KLF8: variants seen among roughly 807,000 people sequenced by gnomAD.
KLF8 encodes KLF transcription factor 8, also known as Krueppel-like factor 8.
Under a neutral mutation model 18.2 loss-of-function variants are expected in KLF8, and 10 were observed. The observed-to-expected ratio is 0.55, with a 90% CI of 0.34 to 0.93. The LOEUF (loss-of-function observed/expected upper bound fraction) is 0.93. Among genes scored for constraint, KLF8 ranks in the 40% least tolerant of loss-of-function variants. The pLI, the probability that KLF8 is intolerant of heterozygous loss-of-function variation, is 0.02. For missense variants in KLF8, 264 were observed against 277.9 expected (o/e 0.95, Z 0.36); for synonymous variants, 109 against 97.3 (o/e 1.12, Z -0.71).
the KLF8 span, among the ~76,000 whole-genome samples, chrX:56,064,963 T>C: frequency 8.9e-6 from 1 of 111,944 alleles, no homozygotes; most frequent in Non-Finnish European, 1.9e-5. Flanking sequence ...ATTTTGCTGT[T>C]AGTCTCATGA....
the KLF8 span, among the ~76,000 whole-genome samples, chrX:56,100,467 T>A: frequency 0.53 from 58,538 of 110,645 alleles, 13,647 homozygotes; most frequent in Non-Finnish European, 0.73. Flanking sequence ...AAGAAATACA[T>A]TTTGTAAGAC....
At chrX:56,186,553 C>T in the KLF8 span, among the ~76,000 whole-genome samples, 329 of 111,529 alleles carry the variant, frequency 2.9e-3, 3 homozygotes, top group Non-Finnish European at 5.5e-3. Flanking sequence ...AACTCTCCAC[C>T]CCAAATCAGC....
At chrX:55,981,587 G>T in the KLF8 span, among the ~76,000 whole-genome samples, 1 of 112,134 alleles carries the variant, frequency 8.9e-6, no homozygotes, top group African/African-American at 3.2e-5. Context: ...CCAAAATTAT[G>T]ATTGGAATTC....
the KLF8 span, among the ~76,000 whole-genome samples, chrX:56,112,743 T>A: frequency 1.8e-5 from 2 of 112,392 alleles, no homozygotes; most frequent in Admixed American, 9.4e-5. Context: ...ATATGCTTTG[T>A]ATCCCCTCTA....
the KLF8 span, among the ~76,000 whole-genome samples, chrX:56,107,135 C>T: frequency 9.0e-6 from 1 of 111,719 alleles, no homozygotes; most frequent in Non-Finnish European, 1.9e-5. Flanking sequence ...TCTTTCGGCT[C>T]CTACTGGGAG....
the KLF8 span, among the ~76,000 whole-genome samples, chrX:56,097,474 T>TA: frequency 9.3e-6 from 1 of 108,021 alleles, no homozygotes; most frequent in African/African-American, 3.4e-5. Flanking sequence ...GGATTACATG[T>TA]GTGTGCACCA....
the KLF8 span, among the ~76,000 whole-genome samples, chrX:56,004,969 A>C: frequency 7.2e-5 from 8 of 111,020 alleles, no homozygotes; most frequent in Non-Finnish European, 1.3e-4. Flanking sequence ...GGGTTAAATT[A>C]ATGACTGCTA....
chrX:56,137,518 C>G, the KLF8 span, among the ~76,000 whole-genome samples: 2 of 103,905 alleles, frequency 1.9e-5, no homozygotes, highest in East Asian at 6.2e-4. Context: ...AAAAACCAAA[C>G]AATGCATATT....
the KLF8 span, among the ~76,000 whole-genome samples, chrX:56,053,250 G>C: frequency 1.7e-4 from 19 of 112,224 alleles, no homozygotes; most frequent in East Asian, 4.8e-3. Flanking sequence ...GCTGGGAGCT[G>C]TTCCTATTCT....
chrX:56,087,175 A>G, the KLF8 span, among the ~76,000 whole-genome samples: 8,964 of 110,985 alleles, frequency 0.081, 902 homozygotes, highest in African/African-American at 0.28. Context: ...TCTTTCATGA[A>G]TTCATTCAGT....
chrX:55,966,293 G>A, the KLF8 span, among the ~76,000 whole-genome samples: 516 of 112,281 alleles, frequency 4.6e-3, 4 homozygotes, highest in South Asian at 0.016. Flanking sequence ...AGTGGTTATG[G>A]AGGCCTTGGG....
the KLF8 span, among the ~76,000 whole-genome samples, chrX:55,993,475 T>A: frequency 8.9e-6 from 1 of 112,129 alleles, no homozygotes; most frequent in African/African-American, 3.2e-5. Context: ...GTGGATTAAC[T>A]TTTTGTTGTG....
At chrX:56,021,727 C>T in the KLF8 span, among the ~76,000 whole-genome samples, 2 of 110,508 alleles carry the variant, frequency 1.8e-5, no homozygotes, top group Non-Finnish European at 3.8e-5. Context: ...TTTTTAAGTA[C>T]TACTAGTAAG....
the KLF8 span, among the ~76,000 whole-genome samples, chrX:56,043,449 C>T: frequency 9.0e-6 from 1 of 111,221 alleles, no homozygotes; most frequent in Admixed American, 9.6e-5. Flanking sequence ...TTCAGGTACC[C>T]CAATCAGTGA....
the KLF8 span, among the ~76,000 whole-genome samples, chrX:55,958,243 T>C: frequency 8.9e-5 from 10 of 111,944 alleles, no homozygotes; most frequent in African/African-American, 3.2e-4. Flanking sequence ...GGAATAGGAC[T>C]ATTTAAAAGC....
chrX:55,978,277 T>G, the KLF8 span, among the ~76,000 whole-genome samples: 2 of 111,609 alleles, frequency 1.8e-5, no homozygotes, highest in Admixed American at 1.9e-4. Flanking sequence ...ATTTGGAAGA[T>G]CTCACCACTA....
chrX:56,008,805 C>T, the KLF8 span, among the ~76,000 whole-genome samples: 1 of 112,343 alleles, frequency 8.9e-6, no homozygotes, highest in South Asian at 3.7e-4. Flanking sequence ...CACAGCACAG[C>T]ACAGTGGCTG....
the KLF8 span, among the ~76,000 whole-genome samples, chrX:56,173,309 T>C: frequency 4.5e-5 from 5 of 112,168 alleles, no homozygotes. Flanking sequence ...GTTTCAGCTT[T>C]CTACATATGG....
chrX:56,237,966 A>G (rs1421289952), intron 1 of KLF8, among the ~76,000 whole-genome samples: 1 of 111,769 alleles, frequency 8.9e-6, no homozygotes, highest in Non-Finnish European at 1.9e-5. Flanking sequence ...ATCCTATCAG[A>G]TCAGAACCTC....
Sources: allele counts gnomAD v4.1 joint callset (sites outside exome capture counted in the v4.1 genomes callset), GRCh38; gene constraint gnomAD v4.1.1; transcripts MANE v1.5; gene names NCBI Gene and HGNC (gene_info 2026-07-23, HGNC 2026-07-21).